Variants in SPHKAP observed in about 807,000 individuals in gnomAD.
SPHKAP encodes the protein A-kinase anchor protein SPHKAP.
SPHKAP carries 67 observed loss-of-function variants against 137.5 expected under a neutral mutation model. That is an observed-to-expected ratio of 0.49 (90% confidence interval 0.40 to 0.60). The LOEUF (loss-of-function observed/expected upper bound fraction) is 0.60, where lower values mean the gene tolerates loss of function less well. Among genes scored for constraint, SPHKAP ranks in the 20% least tolerant of loss-of-function variants. The pLI, the probability that SPHKAP is intolerant of heterozygous loss-of-function variation, is 0.00. For synonymous variants in SPHKAP, 813 were observed against 785.3 expected (o/e 1.04, Z -0.59); for missense variants, 2,097 against 2,069.3 (o/e 1.01, Z -0.26).
intron 3 of SPHKAP, among the ~76,000 whole-genome samples, chr2:228,033,866 A>G (rs534796240): frequency 2.0e-5 from 3 of 152,358 alleles, no homozygotes; most frequent in East Asian, 3.9e-4. Context: ...AATCTCTGGG[A>G]CACATTCAAA....
intron 2 of SPHKAP, chr2:228,109,318 AATT>A: frequency 1.0e-6 from 1 of 963,110 alleles, no homozygotes; most frequent in South Asian, 4.8e-5. Context: ...AAGTATTTTC[AATT>A]AACAAAATAT....
chr2:228,031,604 C>G lies in SPHKAP; in HGVS notation c.247-4061G>C, dbSNP rs565105394. ...TCCTTGACCCCCGAGCAGCCTAACTCGGAGGCACCCCCCAGTAGGAGCAGA... is the reference window on the plus strand; with the variant it reads ...TCCTTGACCCCCGAGCAGCCTAACTGGGAGGCACCCCCCAGTAGGAGCAGA... On this transcript the variant is annotated intron_variant, in intron 3 of 11. Transcript: ENST00000392056. 4.6e-5 allele frequency among the ~76,000 whole-genome samples: 7 copies of G among 152,312 alleles called. 1 individual carries two copies. In the South Asian group the frequency reaches 1.2e-3, roughly 27 times the overall value.
At chr2:228,028,094 A>C in intron 3 of SPHKAP, 1 of 983,070 alleles carries the variant, frequency 1.0e-6, no homozygotes, top group Non-Finnish European at 1.2e-6. Context: ...GGCCCAACAT[A>C]CTAAAAAAGT....
At chr2:228,165,380 G>A (rs910345196) in intron 1 of SPHKAP, among the ~76,000 whole-genome samples, 8 of 152,164 alleles carry the variant, frequency 5.3e-5, no homozygotes, top group Non-Finnish European at 7.3e-5. Context: ...GAAGGGTATT[G>A]ATATTTATCA....
rs1051866823 is a variant in SPHKAP, at chr2:228,001,847, G to C, written c.4449-6153C>G. 5.3e-5 allele frequency among the ~76,000 whole-genome samples: 8 copies of C among 152,078 alleles called. No individual in the cohort carries two copies. In the South Asian group the frequency reaches 1.5e-3, roughly 28 times the overall value. On this transcript the variant is annotated intron_variant, in intron 7 of 11. Transcript: ENST00000392056. ...TGGTTTTTTTTCCTTGCAATAGTTT[G>C]CTGAGAATGATGGTTTCCAGCTTCA...
chr2:228,036,965 A>G (rs1032036006), intron 3 of SPHKAP, among the ~76,000 whole-genome samples: 3 of 152,084 alleles, frequency 2.0e-5, no homozygotes, highest in Non-Finnish European at 4.4e-5. Flanking sequence ...GCACACCAAC[A>G]TGGCACCTGT....
intron 2 of SPHKAP, among the ~76,000 whole-genome samples, chr2:228,114,799 C>T (rs1231878908): frequency 1.3e-5 from 2 of 152,116 alleles, no homozygotes; most frequent in African/African-American, 4.8e-5. Flanking sequence ...CTCTACTCTC[C>T]TTCAGTCAAT....
Position 228,025,516 on chromosome 2 carries a change from C to G in SPHKAP, c.319G>C (p.Val107Leu), listed in dbSNP as rs531679897. Residue 107 changes from valine (V) to leucine (L), a missense_variant, in exon 5 of 12, where the codon GTT (valine) becomes CTT (leucine). Val to Leu is a conservative substitution (Grantham distance 32, BLOSUM62 1). Transcript: ENST00000392056. ...TEHLQQKLVNVSPDLPKLISS... is the reference protein window; with the variant it reads ...TEHLQQKLVNLSPDLPKLISS... ...ATAAGTTTTGGAAGATCTGGTGAAA[C>G]GTTGACCAGTTTCTGTAAAGCAAGA... The G allele has an allele frequency of 6.2e-7, 1 of 1,613,536 alleles. No homozygotes were observed. Among genetic ancestry groups the G allele is most frequent in the Non-Finnish European group, 8.5e-7 (1 of 1,179,786 alleles).
rs555411774 is a variant in SPHKAP at position 228,094,503 on chromosome 2, C to A, written c.246+14329G>T. Among the ~76,000 whole-genome samples the A allele has an allele frequency of 9.8e-5, 15 of 152,302 alleles. No individual in the cohort carries two copies. The South Asian group carries it at 3.1e-3, about 32-fold the overall frequency. On this transcript the variant is annotated intron_variant, in intron 3 of 11. Coordinates refer to ENST00000392056, the MANE Select transcript of SPHKAP (RefSeq NM_001142644.2). ...TTAGCATATGGTGCAAATACATTCACCAGTTGATATTTTATTTTGGTCCTA... is the reference window on the plus strand; with the variant it reads ...TTAGCATATGGTGCAAATACATTCAACAGTTGATATTTTATTTTGGTCCTA...
At chr2:228,047,752 T>C (rs1696118389) in intron 3 of SPHKAP, among the ~76,000 whole-genome samples, 2 of 151,974 alleles carry the variant, frequency 1.3e-5, no homozygotes, top group Admixed American at 1.3e-4. Flanking sequence ...TAAACTAGTC[T>C]AACTGTTTGA....
chr2:228,097,177 C>T (rs1475866646), intron 3 of SPHKAP, among the ~76,000 whole-genome samples: 2 of 152,110 alleles, frequency 1.3e-5, no homozygotes, highest in Non-Finnish European at 2.9e-5. Flanking sequence ...ACAGGCTTTC[C>T]TCTCAGAGGA....
Position 227,991,264 on chromosome 2 carries a change from G to A in SPHKAP, c.4774+10C>T, listed in dbSNP as rs1559335315. On this transcript the variant is annotated intron_variant, in intron 10 of 11. Coordinates refer to ENST00000392056, the MANE Select transcript of SPHKAP (RefSeq NM_001142644.2). Reference sequence around the variant, plus strand: ...CAATTGTGTGTCAAAAGTATGGGAAGGTGGCTTACCCTCTGTGCTTTCTGA... The same window carrying A: ...CAATTGTGTGTCAAAAGTATGGGAAAGTGGCTTACCCTCTGTGCTTTCTGA... 2 of 1,614,148 alleles carry A rather than the reference G, an allele frequency of 1.2e-6. No individual in the cohort carries two copies. The highest frequency in any genetic ancestry group is 1.7e-6 in the Non-Finnish European group (2 of 1,180,004).
In SPHKAP at chr2:228,028,599, G is replaced by T. The variant is rs1411435633; in HGVS notation, c.247-1056C>A. ...TTTTACCTTTTCTATGTTTACATAT[G>T]TTTAGATATACAAATACTTAATGAT... On this transcript the variant is annotated intron_variant, in intron 3 of 11. Coordinates refer to ENST00000392056, the MANE Select transcript of SPHKAP (RefSeq NM_001142644.2). Among the ~76,000 whole-genome samples, 3 of 152,142 alleles carry T rather than the reference G, an allele frequency of 2.0e-5. No individual in the cohort carries two copies. In the East Asian group the frequency reaches 5.8e-4, roughly 29 times the overall value.
intron 1 of SPHKAP, among the ~76,000 whole-genome samples, chr2:228,148,993 C>T (rs984293753): frequency 9.2e-5 from 14 of 152,144 alleles, no homozygotes; most frequent in South Asian, 2.1e-4. Context: ...TTGGGTAATA[C>T]GCTGGATTTG....
chr2:228,067,850 T>C (rs1394347155), intron 3 of SPHKAP, among the ~76,000 whole-genome samples: 2 of 152,156 alleles, frequency 1.3e-5, no homozygotes. Context: ...CAATGAAACA[T>C]GGATTGAAAA....
intron 3 of SPHKAP, among the ~76,000 whole-genome samples, chr2:228,060,939 G>T (rs1269982368): frequency 6.6e-6 from 1 of 152,222 alleles, no homozygotes; most frequent in Non-Finnish European, 1.5e-5. Flanking sequence ...AAAGGGGAAA[G>T]CGATGGCTTC....
rs942208138 is a variant in SPHKAP, at chr2:227,980,658, C to T, written c.*1059G>A. 7.2e-6 allele frequency: 1 copy of T among 139,386 alleles called. No homozygotes were observed. Among genetic ancestry groups the T allele is most frequent in the East Asian group, 2.1e-4 (1 of 4,864 alleles). The allele number at this position is 139,386 out of a possible 1,614,324, so 8.6% of individuals were successfully genotyped here. ...AGTCAGGGAAAGTCTATGATCCTAA[C>T]TGATCATGTCAAACACAAGACCATT... On this transcript the variant is annotated 3_prime_UTR_variant, in exon 12 of 12. Transcript: ENST00000392056.
chr2:228,022,788 G>A lies in SPHKAP; in HGVS notation c.442-822C>T, dbSNP rs565629663. On this transcript the variant is annotated intron_variant, in intron 5 of 11. Coordinates refer to ENST00000392056, the MANE Select transcript of SPHKAP (RefSeq NM_001142644.2). ...CAACGCTGTCTTGGTTACCTCTCTT[G>A]ATTAAATTGAGTCCCAGTTTCTCAG... Among the ~76,000 whole-genome samples the A allele has an allele frequency of 3.9e-5, 6 of 152,248 alleles. No individual in the cohort carries two copies. The South Asian group carries it at 1.2e-3, about 32-fold the overall frequency.
chr2:228,028,441 TAAAC>T (rs1448251284), intron 3 of SPHKAP, among the ~76,000 whole-genome samples: 1 of 152,204 alleles, frequency 6.6e-6, no homozygotes, highest in East Asian at 1.9e-4. Flanking sequence ...GCCATAATAT[TAAAC>T]AATAAATCTG....
Sources: gnomAD v4.1 joint callset for allele counts (sites outside exome capture counted in the v4.1 genomes callset) on GRCh38, gnomAD v4.1.1 for gene constraint, MANE v1.5 for transcripts, NCBI Gene and HGNC (gene_info 2026-07-23, HGNC 2026-07-21) for gene names.